F8: variants seen among roughly 807,000 people sequenced by gnomAD.
F8 encodes coagulation factor VIII.
Under a neutral mutation model 140.6 loss-of-function variants are expected in F8, and 12 were observed. The ratio of observed to expected loss-of-function variants is 0.09; its 90% CI spans 0.05 to 0.14. F8 has a LOEUF of 0.14. F8 is among the 10% of genes least tolerant of loss of function. The pLI, the probability that F8 is intolerant of heterozygous loss-of-function variation, is 1.00. For missense variants in F8, 1,354 were observed against 1,720.7 expected (o/e 0.79, Z 3.77); for synonymous variants, 585 against 614.6 (o/e 0.95, Z 0.71).
At chrX:154,843,050 G>T (rs1010364994) in intron 25 of F8, among the ~76,000 whole-genome samples, 2 of 111,449 alleles carry the variant, frequency 1.8e-5, no homozygotes, top group African/African-American at 6.5e-5. Context: ...TGCGGTGTTT[G>T]GTTTTTTGTC....
intron 22 of F8, among the ~76,000 whole-genome samples, chrX:154,890,986 TAAATG>T (rs1284819727): frequency 1.8e-5 from 2 of 113,013 alleles, no homozygotes; most frequent in Admixed American, 1.9e-4. Flanking sequence ...ATAGAAATTA[TAAATG>T]AAATGTTGGC....
At chrX:154,915,765 C>G (rs2124020857) in intron 14 of F8, among the ~76,000 whole-genome samples, 1 of 111,818 alleles carries the variant, frequency 8.9e-6, no homozygotes, top group East Asian at 2.8e-4. Context: ...CGTCTACAAA[C>G]AAGGGGAATT....
intron 1 of F8, among the ~76,000 whole-genome samples, chrX:155,001,312 C>CTTTTTT (rs35281198): frequency 3.9e-5 from 3 of 75,951 alleles, no homozygotes; most frequent in African/African-American, 5.1e-5. Context: ...TATCGTAAAT[C>CTTTTTT]TTTTTTTTTT....
intron 10 of F8, 145 bp from the exon 11 acceptor site, chrX:154,957,316 T>C (rs1454776891): frequency 3.0e-5 from 15 of 499,755 alleles, no homozygotes; most frequent in Non-Finnish European, 4.8e-5. Context: ...GCACCTATTA[T>C]AATTTTAAGA....
chrX:154,979,306 G>A (rs1557283295), intron 6 of F8, among the ~76,000 whole-genome samples: 1 of 111,418 alleles, frequency 9.0e-6, no homozygotes, highest in East Asian at 2.8e-4. Flanking sequence ...GGTTGAGTGG[G>A]CCTGACCTCA....
chrX:154,979,615 G>A (rs1419653564), intron 6 of F8, among the ~76,000 whole-genome samples: 1 of 111,841 alleles, frequency 8.9e-6, no homozygotes, highest in Non-Finnish European at 1.9e-5. Flanking sequence ...GGAGCACAAG[G>A]TTCACTAGTG....
At chrX:154,933,576 C>T (rs1485225547) in intron 13 of F8, among the ~76,000 whole-genome samples, 2 of 112,250 alleles carry the variant, frequency 1.8e-5, no homozygotes, top group African/African-American at 6.5e-5. Flanking sequence ...CTTATCCTCT[C>T]GGCTAGCAAA....
At chrX:154,863,611 G>T (rs1253026162) in intron 22 of F8, among the ~76,000 whole-genome samples, 1 of 111,073 alleles carries the variant, frequency 9.0e-6, no homozygotes, top group Admixed American at 9.5e-5. Flanking sequence ...GAGTTGATGG[G>T]ATAGGAGGTC....
At chrX:154,890,387 A>G (rs185601042) in intron 22 of F8, among the ~76,000 whole-genome samples, 82 of 112,285 alleles carry the variant, frequency 7.3e-4, no homozygotes, top group African/African-American at 2.7e-3. Context: ...TTATCGTTAA[A>G]ATACAAAGAT....
At chrX:154,860,770 GCTCA>G (rs782162814) in intron 24 of F8, among the ~76,000 whole-genome samples, 162 bp from the exon 25 acceptor site, 5 of 112,242 alleles carry the variant, frequency 4.5e-5, no homozygotes, top group Admixed American at 9.4e-5. Flanking sequence ...CATGATCTCA[GCTCA>G]CTGAACCTCT....
chrX:154,857,841 T>C (rs2072661003), intron 25 of F8, among the ~76,000 whole-genome samples: 1 of 112,367 alleles, frequency 8.9e-6, no homozygotes, highest in Non-Finnish European at 1.9e-5. Flanking sequence ...ATTTCAATAA[T>C]CAAGTAAATA....
Position 154,860,444 on chromosome X carries a change from A to G in F8, c.6888T>C (p.Asn2296=), listed in dbSNP as rs781846388. 5.8e-6 allele frequency: 7 copies of G among 1,210,412 alleles called. No homozygotes were observed. In the South Asian group the frequency reaches 8.8e-5, roughly 15 times the overall value. The change falls in exon 25 of 26, where the codon AAT becomes AAC. Residue 2296 remains asparagine, a synonymous_variant. Transcript: ENST00000360256. ...DGHQWTLFFQ[N]GKVKVFQGNQ... ...GAGACCAGCTTACCTTTACTTTGCC[A>G]TTCTGAAAAAAGAGAGTCCACTGAT... is the stretch of plus-strand genomic sequence containing the variant.
chrX:154,992,869 T>C (rs1444177521), intron 4 of F8, 67 bp downstream of exon 4: 2 of 1,014,379 alleles, frequency 2.0e-6, no homozygotes, highest in Non-Finnish European at 2.8e-6. Flanking sequence ...CTAACTGTTA[T>C]AGATAGATTC....
chrX:154,896,180 C>T lies in F8; in HGVS notation c.6326G>A (p.Arg2109His), dbSNP rs781947839. The change falls in exon 22 of 26, where the codon CGT (arginine) becomes CAT (histidine). Residue 2109 changes from arginine (R) to histidine (H), a missense_variant. Around this residue, in one of 4 missense-constraint regions of F8, gnomAD observed 316 missense variants for 485.4 expected, o/e 0.65. Transcript: ENST00000360256. ...GATGTAGAGGCTGGAGAACTTCTGA[C>T]GGGCACCCTGGGTCTTGATGCCGTG... ...IIHGIKTQGA[R>H]QKFSSLYISQ... 1.7e-5 allele frequency: 21 copies of T among 1,208,739 alleles called. No homozygotes were observed. In the East Asian group the frequency reaches 2.4e-4, roughly 14 times the overall value.
At chrX:154,893,057 T>C (rs2072955528) in intron 22 of F8, among the ~76,000 whole-genome samples, 1 of 112,029 alleles carries the variant, frequency 8.9e-6, no homozygotes, top group South Asian at 3.7e-4. Context: ...ACCCCGATGT[T>C]CCTCTCTATT....
At chrX:154,948,140 G>A (rs1569559763) in intron 12 of F8, among the ~76,000 whole-genome samples, 1 of 111,272 alleles carries the variant, frequency 9.0e-6, no homozygotes, top group East Asian at 2.8e-4. Context: ...GATGTTATAT[G>A]GGGGGCATTT....
In F8 at chrX:154,966,176, G is replaced by T. The variant is rs782190492; in HGVS notation, c.1272-35C>A. On this transcript the variant is annotated intron_variant, in intron 8 of 25. Coordinates refer to ENST00000360256, the MANE Select transcript of F8 (RefSeq NM_000132.4). The stretch of plus-strand genomic sequence containing the variant: ...AGAAAAAAAGATGAGAGGTTGGGAA[G>T]AAAAATTCTAGGTAGGCTCAAATCC... 5.8e-5 allele frequency: 68 copies of T among 1,172,461 alleles called. No homozygotes were observed. The Admixed American group carries it at 1.5e-3, about 26-fold the overall frequency.
intron 25 of F8, among the ~76,000 whole-genome samples, chrX:154,843,307 C>G (rs1164685137): frequency 2.7e-5 from 3 of 111,990 alleles, no homozygotes; most frequent in Non-Finnish European, 5.6e-5. Flanking sequence ...TGGGTACATA[C>G]CCAGTAATGG....
chrX:154,861,970 A>T (rs2072695446), intron 23 of F8, 104 bp from the exon 24 acceptor site: 2 of 906,616 alleles, frequency 2.2e-6, no homozygotes, highest in African/African-American at 3.9e-5. Flanking sequence ...TCATAATATC[A>T]TTTCTCAGGT....
Sources: allele counts gnomAD v4.1 joint callset (sites outside exome capture counted in the v4.1 genomes callset), GRCh38; gene constraint gnomAD v4.1.1; regional missense constraint gnomAD v4.1.1; transcripts MANE v1.5; gene names NCBI Gene and HGNC (gene_info 2026-07-23, HGNC 2026-07-21).